Variants in ERC2 observed in about 807,000 individuals in gnomAD.
ERC2 encodes ERC protein 2.
A neutral mutation model predicts 114.8 loss-of-function variants in ERC2; 42 were observed. The ratio of observed to expected loss-of-function variants is 0.37; its 90% CI spans 0.29 to 0.47. The LOEUF is 0.47. Ranked by LOEUF, ERC2 falls within the 20% of genes least tolerant of loss-of-function variation. The pLI is 0.99. For synonymous variants in ERC2, 454 were observed against 425.5 expected (o/e 1.07, Z -0.82); for missense variants, 939 against 1,150.7 (o/e 0.82, Z 2.66).
At chr3:55,543,995 AG>A (rs1374382652) in intron 17 of ERC2, among the ~76,000 whole-genome samples, 1 of 152,180 alleles carries the variant, frequency 6.6e-6, no homozygotes, top group Non-Finnish European at 1.5e-5. Context: ...CCAGATGATG[AG>A]GTGGCTGCTG....
Position 55,698,442 on chromosome 3 carries a change from C to T in ERC2, c.2847+936G>A, listed in dbSNP as rs182759057. Among the ~76,000 whole-genome samples, 30 of 152,246 alleles carry T rather than the reference C, an allele frequency of 2.0e-4. 1 individual carries two copies. In the East Asian group the frequency reaches 5.4e-3, roughly 27 times the overall value. On this transcript the variant is annotated intron_variant, in intron 16 of 17. Transcript: ENST00000288221. Reference sequence around the variant, plus strand: ...GAAACAGAGCCACGTGAAAAGTTTTCGGAGCATCACAAGTACCTCCTCCCC... The same window carrying T: ...GAAACAGAGCCACGTGAAAAGTTTTTGGAGCATCACAAGTACCTCCTCCCC...
At chr3:56,128,449 C>T (rs139074919) in intron 6 of ERC2, among the ~76,000 whole-genome samples, 4 of 152,306 alleles carry the variant, frequency 2.6e-5, no homozygotes, top group African/African-American at 9.6e-5. Context: ...CTAATACACA[C>T]GTACACCTAA....
chr3:55,736,326 T>C (rs2065633493), intron 14 of ERC2, among the ~76,000 whole-genome samples: 1 of 152,154 alleles, frequency 6.6e-6, no homozygotes, highest in Admixed American at 6.6e-5. Context: ...CTCCAGCACA[T>C]TTCGTTCCAG....
intron 17 of ERC2, among the ~76,000 whole-genome samples, chr3:55,674,212 T>C (rs1402034733): frequency 6.6e-6 from 1 of 152,200 alleles, no homozygotes; most frequent in Admixed American, 6.5e-5. Flanking sequence ...CAGTCTTAGC[T>C]ACCTTTAAAG....
rs1229373044 is a variant in ERC2 at position 55,950,462 on chromosome 3, C to T, written c.2366G>A (p.Arg789Gln). 3 of 1,613,920 alleles carry T rather than the reference C, an allele frequency of 1.9e-6. No homozygotes were observed. Among genetic ancestry groups the T allele is most frequent in the Non-Finnish European group, 2.5e-6 (3 of 1,179,908 alleles). Residue 789 changes from arginine to glutamine, a missense_variant, in exon 13 of 18, where the codon CGA becomes CAA. By Grantham distance (43) the Arg-to-Gln change is conservative (BLOSUM62 1). Coordinates refer to ENST00000288221, the MANE Select transcript of ERC2 (RefSeq NM_015576.3). Reference protein sequence around the residue: ...NAQLLEEVRRREDSMADNSQH... With the variant: ...NAQLLEEVRRQEDSMADNSQH... ...TGAGTTGTCAGCCATGCTGTCTTCT[C>T]GCCTGCGCACTTCTTCTAGTAACTG... is the stretch of plus-strand genomic sequence containing the variant.
At chr3:56,255,727 T>C (rs1360049173) in intron 3 of ERC2, among the ~76,000 whole-genome samples, 2 of 152,166 alleles carry the variant, frequency 1.3e-5, no homozygotes, top group Non-Finnish European at 2.9e-5. Flanking sequence ...CTTGGATCCA[T>C]CTCTTTCTGC....
chr3:56,128,564 A>G (rs963357815), intron 6 of ERC2, among the ~76,000 whole-genome samples: 2 of 152,210 alleles, frequency 1.3e-5, no homozygotes, highest in South Asian at 4.1e-4. Context: ...TTTAAAATTG[A>G]TATGTGTCCT....
At chr3:56,340,257 T>C (rs2058033565) in intron 2 of ERC2, among the ~76,000 whole-genome samples, 1 of 152,112 alleles carries the variant, frequency 6.6e-6, no homozygotes, top group Non-Finnish European at 1.5e-5. Context: ...AAATGATATA[T>C]CCTGATAGAT....
rs151275160 is a variant in ERC2 at position 55,879,772 on chromosome 3, T to C, written c.2564+8617A>G. On this transcript the variant is annotated intron_variant, in intron 14 of 17. Transcript: ENST00000288221. The stretch of plus-strand genomic sequence containing the variant: ...ATTGCCCCCAATATCCATTCTTTCC[T>C]TTCCTTCCTTAGAACTGGATTCCCA... 4.0e-3 allele frequency among the ~76,000 whole-genome samples: 608 copies of C among 152,328 alleles called. 4 individuals are homozygous for C. Among genetic ancestry groups the C allele is most frequent in the African/African-American group, 0.014 (591 of 41,570 alleles).
At chr3:55,775,091 C>A (rs987751653) in intron 14 of ERC2, among the ~76,000 whole-genome samples, 2 of 152,146 alleles carry the variant, frequency 1.3e-5, no homozygotes, top group Non-Finnish European at 2.9e-5. Context: ...ATCAAATGTC[C>A]CCACACATGT....
chr3:55,704,363 T>C (rs1405712514), intron 15 of ERC2, among the ~76,000 whole-genome samples: 1 of 152,208 alleles, frequency 6.6e-6, no homozygotes, highest in Non-Finnish European at 1.5e-5. Context: ...GATAAAACCT[T>C]CATGAATACG....
chr3:55,907,734 C>T (rs905379284), intron 13 of ERC2, among the ~76,000 whole-genome samples: 1 of 152,206 alleles, frequency 6.6e-6, no homozygotes, highest in Admixed American at 6.5e-5. Flanking sequence ...AAGCCACTTA[C>T]ACTCTCTGGG....
chr3:56,033,746 C>T (rs151182310), intron 7 of ERC2, among the ~76,000 whole-genome samples: 1 of 152,120 alleles, frequency 6.6e-6, no homozygotes, highest in African/African-American at 2.4e-5. Context: ...TCTCTCATTA[C>T]AAGATTTGAA....
intron 5 of ERC2, among the ~76,000 whole-genome samples, chr3:56,139,954 G>A (rs1304005767): frequency 6.6e-6 from 1 of 152,108 alleles, no homozygotes; most frequent in Non-Finnish European, 1.5e-5. Flanking sequence ...ATGGAATGAA[G>A]CCTTCCCAGC....
At chr3:56,285,272 G>A (rs184024372) in intron 3 of ERC2, among the ~76,000 whole-genome samples, 49 of 152,018 alleles carry the variant, frequency 3.2e-4, no homozygotes, top group African/African-American at 1.1e-3. Flanking sequence ...CCAGCAGAAC[G>A]GATGGGTCAC....
intron 13 of ERC2, among the ~76,000 whole-genome samples, chr3:55,911,074 A>G (rs1162171117): frequency 6.6e-6 from 1 of 152,134 alleles, no homozygotes; most frequent in African/African-American, 2.4e-5. Context: ...CAAGGAAATT[A>G]TCCACATGAA....
chr3:56,122,530 C>G (rs991840097), intron 6 of ERC2, among the ~76,000 whole-genome samples: 1 of 152,116 alleles, frequency 6.6e-6, no homozygotes, highest in Non-Finnish European at 1.5e-5. Context: ...TCAAAGCCAT[C>G]CGCAATTCCA....
chr3:56,452,062 A>G (rs2062848763), intron 1 of ERC2, among the ~76,000 whole-genome samples: 1 of 152,210 alleles, frequency 6.6e-6, no homozygotes, highest in Non-Finnish European at 1.5e-5. Context: ...ATATTAAAGA[A>G]TCTGCAAATC....
intron 2 of ERC2, among the ~76,000 whole-genome samples, chr3:56,394,039 G>A (rs1188416814): frequency 6.6e-6 from 1 of 152,128 alleles, no homozygotes; most frequent in Non-Finnish European, 1.5e-5. Flanking sequence ...TTGATAAGTA[G>A]AGAATTTTCT....
Sources: gnomAD v4.1 joint callset for allele counts (sites outside exome capture counted in the v4.1 genomes callset) on GRCh38, gnomAD v4.1.1 for gene constraint, MANE v1.5 for transcripts, NCBI Gene and HGNC (gene_info 2026-07-23, HGNC 2026-07-21) for gene names.